The following TSC2 variants were observed in gnomAD, a reference collection of about 807,000 sequenced individuals.
TSC2 encodes tuberin.
TSC2 carries 29 observed loss-of-function variants against 202.2 expected under a neutral mutation model. The observed-to-expected ratio is 0.14, with a 90% CI of 0.11 to 0.20. The LOEUF is 0.20. Among genes scored for constraint, TSC2 ranks in the 10% least tolerant of loss-of-function variants. TSC2 has a pLI of 1.00. For synonymous variants in TSC2, 1,349 were observed against 1,044.0 expected (o/e 1.29, Z -5.63); for missense variants, 2,429 against 2,420.0 (o/e 1.00, Z -0.08).
intron 32 of TSC2, chr16:2,083,188 C>A (rs1249840690): frequency 2.2e-6 from 1 of 457,932 alleles, no homozygotes; most frequent in Non-Finnish European, 4.4e-6. Context: ...ACAGGAAATG[C>A]TGCTTTGGGA....
chr16:2,050,001 G>A (rs1360985069), intron 2 of TSC2, among the ~76,000 whole-genome samples: 1 of 149,254 alleles, frequency 6.7e-6, no homozygotes, highest in Admixed American at 6.7e-5. Context: ...TGTCACCCAG[G>A]CTGGAGCGCA....
At position 2,071,582 on chromosome 16, in the gene TSC2, G is replaced by A. The variant is rs587778730; in HGVS notation, c.1912G>A (p.Val638Met). 1.3e-5 allele frequency: 21 copies of A among 1,613,494 alleles called. No homozygotes were observed. The highest frequency in any genetic ancestry group is 1.7e-5 in the Non-Finnish European group (20 of 1,180,024). Reference sequence around the variant, plus strand: ...GGGCCTGCCCAACAAGGATGGAGTCGTGCGGTTCAGCCCCTACTGCGTCTG... The same window carrying A: ...GGGCCTGCCCAACAAGGATGGAGTCATGCGGTTCAGCCCCTACTGCGTCTG... ...RLGLPNKDGV[V>M]RFSPYCVCDY... Residue 638 changes from valine (V) to methionine (M), a missense_variant, in exon 18 of 42, where the codon GTG becomes ATG. Transcript: ENST00000219476.
At chr16:2,048,372 A>AT (rs2084628253) in intron 1 of TSC2, 1 of 844,640 alleles carries the variant, frequency 1.2e-6, no homozygotes, top group Admixed American at 2.1e-5. Flanking sequence ...GCGTCTGAGT[A>AT]GAGAGCTCTC....
At position 2,088,580 on chromosome 16, in the gene TSC2, C is replaced by T. The variant is rs2151642575; in HGVS notation, c.5394C>T (p.Ser1798=). Reference sequence around the variant, plus strand: ...TGGGCCAGCGGAAGCGCCTCATCTCCTCGGTGGAGGACTTCACCGAGTTTG... The same window carrying T: ...TGGGCCAGCGGAAGCGCCTCATCTCTTCGGTGGAGGACTTCACCGAGTTTG... The part of the protein sequence containing the change: ...YEVGQRKRLI[S]SVEDFTEFV Residue 1798 remains serine (S), a synonymous_variant, in exon 42 of 42, where the codon TCC becomes TCT. Coordinates refer to ENST00000219476, the MANE Select transcript of TSC2 (RefSeq NM_000548.5). 1.9e-6 allele frequency: 3 copies of T among 1,608,352 alleles called. No homozygotes were observed. The highest frequency in any genetic ancestry group is 1.3e-5 in the African/African-American group (1 of 75,056).
At position 2,084,679 on chromosome 16, in the gene TSC2, C is replaced by T. The variant is rs773527337; in HGVS notation, c.4457C>T (p.Ala1486Val). 7 of 1,598,500 alleles carry T rather than the reference C, an allele frequency of 4.4e-6. No homozygotes were observed. The highest frequency in any genetic ancestry group is 1.7e-5 in the Admixed American group (1 of 59,996). ...ERDALKSRAT[A>V]SNAEKVPGIN... is the part of the protein sequence containing the mutation. ...GACGCCTTAAAGAGCAGAGCCACAG[C>T]CTCCAATGCAGAGAAAGTGCCAGGC... Residue 1486 changes from alanine to valine, a missense_variant, in exon 34 of 42, where the codon GCC (alanine) becomes GTC (valine). Transcript: ENST00000219476.
At chr16:2,055,267 C>A (rs549393529) in intron 5 of TSC2, 135 bp from the exon 6 acceptor site, 5 of 782,116 alleles carry the variant, frequency 6.4e-6, no homozygotes, top group Non-Finnish European at 1.1e-5. Context: ...CGTGGTCTGT[C>A]TGTTGCTGCC....
At chr16:2,081,211 C>T in intron 30 of TSC2, 1 of 355,406 alleles carries the variant, frequency 2.8e-6, no homozygotes, top group Non-Finnish European at 5.5e-6. Context: ...GCAGAGGGAG[C>T]CCCCGCAGAG....
Position 2,080,683 on chromosome 16 carries a change from A to T in TSC2, c.3610+306A>T, listed in dbSNP as rs576060784. The T allele has an allele frequency of 1.7e-4, 66 of 383,366 alleles. No homozygotes were observed. The East Asian group carries it at 2.1e-3, about 12-fold the overall frequency. 23.7% of individuals were successfully genotyped at this position (383,366 alleles called of 1,614,324 possible). A position where few individuals can be genotyped will look rare whatever the true frequency, so the allele number is the denominator to read the frequency against. On this transcript the variant is annotated intron_variant, in intron 30 of 41. Transcript: ENST00000219476. ...GTATTTCTAGTAGAGATGGGGTTTC[A>T]CTGTGTTAGCCAGGATGGTCTCAAT...
At position 2,056,248 on chromosome 16, in the gene TSC2, A is replaced by G. The variant is rs2151071557; in HGVS notation, c.648+4A>G. The G allele has an allele frequency of 1.2e-6, 2 of 1,614,022 alleles. No homozygotes were observed. The highest frequency in any genetic ancestry group is 1.7e-6 in the Non-Finnish European group (2 of 1,180,026). ...CGCGTCCTCTGTGGACATAGAGGTC[A>G]GTGCCTCCCCTCCCCAGGGCCGGCC... On this transcript the variant is annotated splice_donor_region_variant and intron_variant, in intron 7 of 41. Transcript: ENST00000219476.
chr16:2,054,919 C>T (rs2085576771), intron 5 of TSC2: 1 of 328,658 alleles, frequency 3.0e-6, no homozygotes, highest in African/African-American at 2.1e-5. Flanking sequence ...TCTGGCTTTG[C>T]TGTTCTGTCG....
chr16:2,084,916 C>T, intron 34 of TSC2, 35 bp from the exon 35 acceptor site: 4 of 1,612,494 alleles, frequency 2.5e-6, no homozygotes, highest in East Asian at 2.2e-5. Context: ...TGGCCAGGCC[C>T]TCACCTGGGT....
rs1347619346 is a variant in TSC2 at position 2,079,300 on chromosome 16, A to G, written c.3156A>G (p.Leu1052=). Residue 1052 remains leucine (L), a synonymous_variant, in exon 28 of 42, where the codon CTA becomes CTG. Coordinates refer to ENST00000219476, the MANE Select transcript of TSC2 (RefSeq NM_000548.5). This position sits in a 1 kb window ranked among gnomAD's most constrained non-coding sequence, Gnocchi z 4.6. ...PKRSPVGEFL[L]AGGRTKTWLV... ...GGTCTCCTGTGGGCGAGTTCCTCCT[A>G]GCGGGTGGCAGGACCAAAACCTGGC... is the stretch of plus-strand genomic sequence containing the variant. The G allele has an allele frequency of 6.2e-7, 1 of 1,612,834 alleles. No individual in the cohort carries two copies. The highest frequency in any genetic ancestry group is 1.7e-5 in the Admixed American group (1 of 60,006).
chr16:2,087,196 G>A (rs2090925557), intron 38 of TSC2: 2 of 437,226 alleles, frequency 4.6e-6, no homozygotes, highest in African/African-American at 4.0e-5. Context: ...AGTGGCAGCT[G>A]TCAGGCTGCT....
chr16:2,071,107 C>T (rs191183424), intron 17 of TSC2, among the ~76,000 whole-genome samples: 5 of 152,344 alleles, frequency 3.3e-5, no homozygotes, highest in Admixed American at 2.6e-4. Context: ...AGAGCAGGTG[C>T]TCTCTGGGGC....
chr16:2,076,202 TCG>T, intron 24 of TSC2, 32 bp downstream of exon 24: 1 of 1,612,776 alleles, frequency 6.2e-7, no homozygotes. Context: ...GCTGTGTCTC[TCG>T]GTAGGCCAGG....
intron 36 of TSC2, among the ~76,000 whole-genome samples, chr16:2,085,572 C>T (rs2090673718): frequency 6.6e-6 from 1 of 152,116 alleles, no homozygotes; most frequent in African/African-American, 2.4e-5. Flanking sequence ...TGGCACCGGT[C>T]GCAGGGCTGG....
At chr16:2,068,254 G>A (rs1007989221) in intron 16 of TSC2, among the ~76,000 whole-genome samples, 4 of 152,084 alleles carry the variant, frequency 2.6e-5, no homozygotes, top group African/African-American at 9.7e-5. Context: ...TGGCCAGGCT[G>A]GTCTCAATCT....
intron 31 of TSC2, 158 bp downstream of exon 31, chr16:2,081,956 C>T: frequency 9.1e-7 from 1 of 1,095,756 alleles, no homozygotes; most frequent in African/African-American, 1.5e-5. Context: ...TGGGAGGAGG[C>T]TGACCCGTGG....
At chr16:2,076,046 G>GC (rs2089303541) in intron 23 of TSC2, 22 bp from the exon 24 acceptor site, 1 of 1,613,754 alleles carries the variant, frequency 6.2e-7, no homozygotes, top group Non-Finnish European at 8.5e-7. Context: ...AGGATGGAGT[G>GC]CCAGCCCCCT....
Sources: gnomAD v4.1 joint callset for allele counts (sites outside exome capture counted in the v4.1 genomes callset) on GRCh38, gnomAD v4.1.1 for gene constraint, Gnocchi (gnomAD v3.1) non-coding constraint, MANE v1.5 for transcripts, NCBI Gene and HGNC (gene_info 2026-07-23, HGNC 2026-07-21) for gene names.